Variants in NTM observed in about 807,000 individuals in gnomAD.
NTM encodes neurotrimin, also known as IgLON family member 2.
A neutral mutation model predicts 42.1 loss-of-function variants in NTM; 13 were observed. The observed-to-expected ratio is 0.31, with a 90% CI of 0.20 to 0.49. The LOEUF is 0.49. Ranked by LOEUF, NTM falls within the 20% of genes least tolerant of loss-of-function variation. The pLI is 0.99. For missense variants in NTM, 373 were observed against 452.8 expected (o/e 0.82, Z 1.60); for synonymous variants, 187 against 179.2 (o/e 1.04, Z -0.35).
At chr11:131,585,296 T>C (rs1012229924) in intron 1 of NTM, among the ~76,000 whole-genome samples, 1 of 152,224 alleles carries the variant, frequency 6.6e-6, no homozygotes, top group Non-Finnish European at 1.5e-5. Flanking sequence ...TTTCGTCAGA[T>C]CTGCTGCCTT....
intron 1 of NTM, among the ~76,000 whole-genome samples, chr11:131,629,082 A>G (rs1055913239): frequency 6.6e-6 from 1 of 152,214 alleles, no homozygotes. Context: ...ATGGATTAGG[A>G]ATAGGGAGAT....
intron 1 of NTM, among the ~76,000 whole-genome samples, chr11:131,442,445 T>G (rs10791144): frequency 0.95 from 144,387 of 152,214 alleles, 68,529 homozygotes; most frequent in East Asian, 1. Flanking sequence ...TAGATTGGGG[T>G]TGTACCCATG....
intron 1 of NTM, among the ~76,000 whole-genome samples, chr11:131,423,236 C>A (rs983561343): frequency 4.6e-5 from 7 of 152,184 alleles, no homozygotes; most frequent in Non-Finnish European, 7.3e-5. Context: ...GGACCTATTG[C>A]ACCACTTTAT....
chr11:131,639,669 TG>T (rs2064874055), intron 1 of NTM, among the ~76,000 whole-genome samples: 3 of 151,974 alleles, frequency 2.0e-5, no homozygotes, highest in Non-Finnish European at 4.4e-5. Context: ...AAAAAGTGAG[TG>T]GCCCTGGCCC....
At chr11:132,320,667 G>A (rs890405049) in intron 7 of NTM, among the ~76,000 whole-genome samples, 123 of 152,252 alleles carry the variant, frequency 8.1e-4, no homozygotes, top group African/African-American at 2.9e-3. Context: ...ACTGGGTGGA[G>A]CCCACCACAG....
intron 1 of NTM, among the ~76,000 whole-genome samples, chr11:131,609,199 G>T (rs1287951177): frequency 6.6e-6 from 1 of 152,222 alleles, no homozygotes; most frequent in Non-Finnish European, 1.5e-5. Flanking sequence ...AGATCTGACT[G>T]CCAGGGTTCC....
intron 1 of NTM, among the ~76,000 whole-genome samples, chr11:131,843,603 T>C (rs188871918): frequency 1.2e-3 from 187 of 152,352 alleles, no homozygotes; most frequent in African/African-American, 4.1e-3. Flanking sequence ...TGAGCGGGAA[T>C]TACTCAGGGT....
intron 1 of NTM, among the ~76,000 whole-genome samples, chr11:131,905,927 C>T (rs2053795811): frequency 1.3e-5 from 2 of 152,146 alleles, no homozygotes; most frequent in Admixed American, 1.3e-4. Flanking sequence ...TCACTTCCCA[C>T]AGGCTAGGCA....
chr11:131,473,993 TC>T (rs2136193893), intron 1 of NTM, among the ~76,000 whole-genome samples: 2 of 152,320 alleles, frequency 1.3e-5, no homozygotes, highest in East Asian at 3.9e-4. Flanking sequence ...AATGGTCTTA[TC>T]TTTCTCCTTC....
At chr11:131,906,623 C>T (rs2053894052) in intron 1 of NTM, among the ~76,000 whole-genome samples, 2 of 152,140 alleles carry the variant, frequency 1.3e-5, no homozygotes, top group Admixed American at 6.5e-5. Context: ...TTCGCTGCGT[C>T]GGCACTTTGA....
intron 1 of NTM, among the ~76,000 whole-genome samples, chr11:131,410,751 A>G (rs988938244): frequency 1.3e-5 from 2 of 152,138 alleles, no homozygotes; most frequent in African/African-American, 4.8e-5. Context: ...TTCTAAAAAT[A>G]TACTATTACC....
chr11:132,053,853 C>T (rs182793721), intron 2 of NTM, among the ~76,000 whole-genome samples: 21 of 152,278 alleles, frequency 1.4e-4, no homozygotes, highest in Non-Finnish European at 2.5e-4. Flanking sequence ...GGATCAGCAG[C>T]CAATTCTCCA....
At chr11:131,518,672 CTG>C (rs1256326172) in intron 1 of NTM, among the ~76,000 whole-genome samples, 1 of 152,202 alleles carries the variant, frequency 6.6e-6, no homozygotes, top group African/African-American at 2.4e-5. Context: ...AGGCATGACA[CTG>C]TGCTGGTGTA....
intron 7 of NTM, among the ~76,000 whole-genome samples, chr11:132,320,414 C>T (rs1020045909): frequency 4.6e-5 from 7 of 152,184 alleles, no homozygotes; most frequent in Admixed American, 1.3e-4. Flanking sequence ...AAAAGGGTGA[C>T]GGATGGCACC....
intron 2 of NTM, among the ~76,000 whole-genome samples, chr11:131,941,724 G>A (rs1453355869): frequency 2.0e-5 from 3 of 152,162 alleles, no homozygotes; most frequent in Non-Finnish European, 4.4e-5. Flanking sequence ...AGTAAAAATG[G>A]ACTCTTGTTA....
intron 1 of NTM, among the ~76,000 whole-genome samples, chr11:131,877,122 G>A (rs1174484533): frequency 3.9e-5 from 6 of 152,230 alleles, no homozygotes; most frequent in Admixed American, 1.3e-4. Context: ...GCCTCCCAAA[G>A]TGCTGGGATT....
At chr11:131,736,952 G>A (rs960604138) in intron 1 of NTM, among the ~76,000 whole-genome samples, 1 of 152,214 alleles carries the variant, frequency 6.6e-6, no homozygotes, top group African/African-American at 2.4e-5. Flanking sequence ...GGATGACTAT[G>A]CAGGGAGCAA....
Position 132,185,107 on chromosome 11 carries a change from A to G in NTM, c.401-26915A>G, listed in dbSNP as rs560862392. 7.2e-5 allele frequency among the ~76,000 whole-genome samples: 11 copies of G among 152,334 alleles called. No homozygotes were observed. In the South Asian group the frequency reaches 2.1e-3, roughly 29 times the overall value. ...TCTAGGCTCAGTGCTATAGAAATAG[A>G]ACTTTAAAAGTGAAAAACAAAACAA... is the stretch of plus-strand genomic sequence containing the variant. On this transcript the variant is annotated intron_variant, in intron 3 of 8. Transcript: ENST00000683400.
At chr11:131,633,646 CCT>C (rs1269595903) in intron 1 of NTM, among the ~76,000 whole-genome samples, 1 of 65,570 alleles carries the variant, frequency 1.5e-5, no homozygotes, top group Admixed American at 1.6e-4. Context: ...CCTCTCTCTC[CCT>C]CTCTCTCCCT....
Sources: allele counts gnomAD v4.1 joint callset (sites outside exome capture counted in the v4.1 genomes callset), GRCh38; gene constraint gnomAD v4.1.1; transcripts MANE v1.5; gene names NCBI Gene and HGNC (gene_info 2026-07-23, HGNC 2026-07-21).